DHX35: variants seen among roughly 807,000 people sequenced by gnomAD.
DHX35 encodes the protein probable ATP-dependent RNA helicase DHX35.
In DHX35, 84 loss-of-function variants were observed where a neutral mutation model predicts 99.6. The observed-to-expected ratio is 0.84, with a 90% CI of 0.71 to 1.01. DHX35 has a LOEUF of 1.01. DHX35 is among the 50% of genes least tolerant of loss of function. The pLI is 0.00. For missense variants in DHX35, 852 were observed against 888.5 expected (o/e 0.96, Z 0.52); for synonymous variants, 331 against 316.2 (o/e 1.05, Z -0.50).
intron 4 of DHX35, among the ~76,000 whole-genome samples, chr20:38,985,028 A>C (rs369982809): frequency 6.6e-6 from 1 of 152,140 alleles, no homozygotes; most frequent in African/African-American, 2.4e-5. Flanking sequence ...ACTGTGTAGA[A>C]GTCTGAGCCA....
Position 39,034,200 on chromosome 20 carries a change from T to C in DHX35, c.1956-6T>C. The C allele has an allele frequency of 6.2e-7, 1 of 1,606,946 alleles. No individual in the cohort carries two copies. Among genetic ancestry groups the C allele is most frequent in the Non-Finnish European group, 8.5e-7 (1 of 1,173,926 alleles). ...GAAATTAGCTCATGTTTCTTTCTCATTTCAGGGTCATCTATAACGAAGTTA... is the reference window on the plus strand; with the variant it reads ...GAAATTAGCTCATGTTTCTTTCTCACTTCAGGGTCATCTATAACGAAGTTA... On this transcript the variant is annotated splice_region_variant and splice_polypyrimidine_tract_variant and intron_variant, in intron 20 of 21. Coordinates refer to ENST00000252011, the MANE Select transcript of DHX35 (RefSeq NM_021931.4).
In DHX35 at chr20:39,001,732, A is replaced by G. The variant is rs750827340; in HGVS notation, c.645A>G (p.Lys215=). ...AGAATTAATTTTTTTCTTTTTAGAAATTCCGGGATTTCTTTAATCAAAATG... is the reference window on the plus strand; with the variant it reads ...AGAATTAATTTTTTTCTTTTTAGAAGTTCCGGGATTTCTTTAATCAAAATG... ...IVASATLDAD[K]FRDFFNQNET... The change falls in exon 9 of 22, where the codon AAA becomes AAG. Residue 215 remains lysine, a splice_region_variant and synonymous_variant. Coordinates refer to ENST00000252011, the MANE Select transcript of DHX35 (RefSeq NM_021931.4). The G allele has an allele frequency of 6.2e-7, 1 of 1,604,246 alleles. No homozygotes were observed. The highest frequency in any genetic ancestry group is 1.1e-5 in the South Asian group (1 of 88,136).
chr20:38,974,005 C>T (rs1295928746), intron 3 of DHX35, among the ~76,000 whole-genome samples: 2 of 152,182 alleles, frequency 1.3e-5, no homozygotes, highest in Non-Finnish European at 2.9e-5. Flanking sequence ...CTGCTGTGAA[C>T]ATTCATGTGC....
At chr20:39,009,443 A>G (rs2086666193) in intron 12 of DHX35, among the ~76,000 whole-genome samples, 1 of 151,102 alleles carries the variant, frequency 6.6e-6, no homozygotes, top group African/African-American at 2.4e-5. Context: ...CTAAAGCTTT[A>G]TGATCTAAAT....
In DHX35 at chr20:39,030,795, T is replaced by G. The variant is rs760697740; in HGVS notation, c.1955+20T>G. The G allele has an allele frequency of 1.9e-6, 3 of 1,613,312 alleles. No homozygotes were observed. Among genetic ancestry groups the G allele is most frequent in the Non-Finnish European group, 2.5e-6 (3 of 1,179,306 alleles). On this transcript the variant is annotated intron_variant, in intron 20 of 21. Coordinates refer to ENST00000252011, the MANE Select transcript of DHX35 (RefSeq NM_021931.4). ...TCGCTGGTAAGCTCATCCTGCTGCT[T>G]AGCCTGTGCCTGCTTTGAACAGGGC...
chr20:39,024,882 T>C (rs1369613013), intron 17 of DHX35, among the ~76,000 whole-genome samples: 2 of 152,238 alleles, frequency 1.3e-5, no homozygotes, highest in Non-Finnish European at 2.9e-5. Flanking sequence ...AAGTGATACA[T>C]TCAAGCATGC....
chr20:38,996,417 G>A (rs563060114), intron 8 of DHX35, among the ~76,000 whole-genome samples: 1 of 152,202 alleles, frequency 6.6e-6, no homozygotes, highest in Non-Finnish European at 1.5e-5. Flanking sequence ...TGGGGAGGTT[G>A]GGGTCAGATG....
intron 2 of DHX35, among the ~76,000 whole-genome samples, chr20:38,972,345 A>G (rs1242932270): frequency 1.3e-5 from 2 of 152,086 alleles, no homozygotes; most frequent in Non-Finnish European, 2.9e-5. Context: ...TAAAGGGCGT[A>G]TGCATTATGT....
rs1312269343 is a variant in DHX35, at chr20:38,974,021, T to A, written c.267+1370T>A. ...TGCTGTGAACATTCATGTGCTTGTC[T>A]TTGGTGAACGTATGTGCACATTCTC... On this transcript the variant is annotated intron_variant, in intron 3 of 21. Coordinates refer to ENST00000252011, the MANE Select transcript of DHX35 (RefSeq NM_021931.4). Among the ~76,000 whole-genome samples, 4 of 152,356 alleles carry A rather than the reference T, an allele frequency of 2.6e-5. No homozygotes were observed. The East Asian group carries it at 7.7e-4, about 29-fold the overall frequency.
intron 8 of DHX35, among the ~76,000 whole-genome samples, chr20:38,999,589 A>C (rs1269482186): frequency 6.6e-6 from 1 of 152,210 alleles, no homozygotes; most frequent in Non-Finnish European, 1.5e-5. Flanking sequence ...TCCCCGGTCG[A>C]GTAAGAGTCA....
intron 2 of DHX35, among the ~76,000 whole-genome samples, chr20:38,971,999 G>GTTTTTTTTTTTTTTTTTTTTTTTTTT (rs1335391217): frequency 9.7e-6 from 1 of 102,994 alleles, no homozygotes; most frequent in African/African-American, 3.7e-5. Context: ...TTTTTGTTTT[G>GTTTTTTTTTTTTTTTTTTTTTTTTTT]TTTTGTTTTT....
chr20:39,008,879 TCTTCCAGCCACCCTG>T (rs2086658245), intron 12 of DHX35, among the ~76,000 whole-genome samples: 1 of 152,196 alleles, frequency 6.6e-6, no homozygotes, highest in Non-Finnish European at 1.5e-5. Flanking sequence ...CTGGAGGCCT[TCTTCCAGCCACCCTG>T]CTTCCTCCTT....
chr20:39,004,489 C>T (rs1402692345), intron 11 of DHX35, among the ~76,000 whole-genome samples: 1 of 152,146 alleles, frequency 6.6e-6, no homozygotes, highest in Non-Finnish European at 1.5e-5. Context: ...CTTACTTTGG[C>T]TTAAGGGATT....
Position 39,006,229 on chromosome 20 carries a change from C to T in DHX35, c.1095C>T (p.Leu365=), listed in dbSNP as rs761580737. The T allele has an allele frequency of 6.2e-7, 1 of 1,614,026 alleles. No homozygotes were observed. The highest frequency in any genetic ancestry group is 8.5e-7 in the Non-Finnish European group (1 of 1,180,036). Residue 365 remains leucine (L), a synonymous_variant, in exon 12 of 22, where the codon CTC becomes CTT. Coordinates refer to ENST00000252011, the MANE Select transcript of DHX35 (RefSeq NM_021931.4). ...VYVIDCGFVK[L]RAYNPRTAIE... ...TGATCGACTGTGGCTTTGTGAAACT[C>T]CGAGCCTACAATCCCAGGACAGCTA...
chr20:38,991,092 A>G (rs983161490), intron 5 of DHX35, among the ~76,000 whole-genome samples: 2 of 152,228 alleles, frequency 1.3e-5, no homozygotes, highest in African/African-American at 4.8e-5. Context: ...ACATTTGAAG[A>G]GCAATTATCT....
intron 4 of DHX35, among the ~76,000 whole-genome samples, chr20:38,986,720 T>C (rs1324315402): frequency 6.6e-6 from 1 of 152,182 alleles, no homozygotes; most frequent in Admixed American, 6.5e-5. Context: ...GAAATGCTGG[T>C]CATTGGGAAA....
intron 2 of DHX35, among the ~76,000 whole-genome samples, chr20:38,971,674 C>T (rs556992712): frequency 1.3e-5 from 2 of 152,274 alleles, no homozygotes; most frequent in African/African-American, 4.8e-5. Flanking sequence ...TACGCATAAA[C>T]AAGTAGATAC....
chr20:39,024,625 A>T (rs925179541), intron 17 of DHX35, among the ~76,000 whole-genome samples: 1 of 152,168 alleles, frequency 6.6e-6, no homozygotes, highest in Non-Finnish European at 1.5e-5. Flanking sequence ...GTATTATTCT[A>T]TGGTTGCCTT....
At chr20:38,999,955 A>G (rs989896732) in intron 8 of DHX35, among the ~76,000 whole-genome samples, 1 of 152,204 alleles carries the variant, frequency 6.6e-6, no homozygotes, top group Non-Finnish European at 1.5e-5. Flanking sequence ...GTGTGTCACA[A>G]CTATCCCACA....
Sources: gnomAD v4.1 joint callset for allele counts (sites outside exome capture counted in the v4.1 genomes callset) on GRCh38, gnomAD v4.1.1 for gene constraint, MANE v1.5 for transcripts, NCBI Gene and HGNC (gene_info 2026-07-23, HGNC 2026-07-21) for gene names.